ATP8B3: variants seen among roughly 807,000 people sequenced by gnomAD.
ATP8B3 encodes the protein phospholipid-transporting ATPase IK.
In ATP8B3, 141 loss-of-function variants were observed where a neutral mutation model predicts 140.9. The observed-to-expected ratio is 1.00, with a 90% CI of 0.87 to 1.15. The LOEUF (loss-of-function observed/expected upper bound fraction) is 1.15. Ranked by LOEUF, ATP8B3 falls within the 50% of genes most tolerant of loss-of-function variation. The pLI, the probability that ATP8B3 is intolerant of heterozygous loss-of-function variation, is 0.00. For synonymous variants in ATP8B3, 765 were observed against 714.6 expected, an observed-to-expected ratio of 1.07 and a Z score of -1.13; for missense variants, 1,874 against 1,740.6, an observed-to-expected ratio of 1.08 and a Z score of -1.36.
In ATP8B3 at chr19:1,783,186, G is replaced by T; in HGVS notation, c.3745C>A (p.Arg1249Ser). Reference sequence around the variant, plus strand: ...CGGTGGGAGAAAGCATAGCTGGAACGGCGGGCACGAGACTCCCGGTGTACA... The same window carrying T: ...CGGTGGGAGAAAGCATAGCTGGAACTGCGGGCACGAGACTCCCGGTGTACA... ...PHVHRESRAR[R>S]SSYAFSHREG... Residue 1249 changes from arginine (R) to serine (S), a missense_variant, in exon 29 of 29, where the codon CGT (arginine) becomes AGT (serine). Arg to Ser is a moderately radical substitution (Grantham distance 110). Coordinates refer to ENST00000310127, the MANE Select transcript of ATP8B3 (RefSeq NM_138813.4). 6.2e-7 allele frequency: 1 copy of T among 1,613,268 alleles called. No homozygotes were observed. The highest frequency in any genetic ancestry group is 8.5e-7 in the Non-Finnish European group (1 of 1,179,652).
chr19:1,789,935 G>A lies in ATP8B3; in HGVS notation c.2433C>T (p.Ser811=), dbSNP rs769068182. 1.6e-5 allele frequency: 26 copies of A among 1,612,068 alleles called. No individual in the cohort carries two copies. The South Asian group carries it at 2.9e-4, about 18-fold the overall frequency. ...CCAAGGCCAGCTTGACCTGCGACAG[G>A]GACTCCCTGGTTAGAAGGTTGTTAC... ...ENSNNLLTRE[S]LSQVKLALVI... Residue 811 remains serine (S), a synonymous_variant, in exon 22 of 29, where the codon TCC becomes TCT. Coordinates refer to ENST00000310127, the MANE Select transcript of ATP8B3 (RefSeq NM_138813.4).
In ATP8B3 at chr19:1,802,614, C is replaced by T. The variant is rs1398340814; in HGVS notation, c.936G>A (p.Arg312=). Residue 312 remains arginine, a synonymous_variant, in exon 11 of 29, where the codon CGG becomes CGA. Transcript: ENST00000310127. ...CCAGGCACCCCACGAAGTGGTGCAT[C>T]CGACTGTTAGGCGCCTCACACGTCA... is the stretch of plus-strand genomic sequence containing the variant. ...GTVTCEAPNS[R]MHHFVGCLEW... 1 of 1,611,736 alleles carries T rather than the reference C, an allele frequency of 6.2e-7. No individual in the cohort carries two copies. Among genetic ancestry groups the T allele is most frequent in the Non-Finnish European group, 8.5e-7 (1 of 1,179,552 alleles).
intron 14 of ATP8B3, among the ~76,000 whole-genome samples, chr19:1,798,063 C>T (rs573456877): frequency 1.3e-5 from 2 of 151,890 alleles, no homozygotes; most frequent in Admixed American, 6.6e-5. Context: ...CCTCCACCTC[C>T]GGGTTCAAGC....
In ATP8B3 at chr19:1,783,072, G is replaced by A. The variant is rs1285428673; in HGVS notation, c.3859C>T (p.Pro1287Ser). The A allele has an allele frequency of 6.2e-7, 1 of 1,612,594 alleles. No individual in the cohort carries two copies. The highest frequency in any genetic ancestry group is 1.7e-5 in the Admixed American group (1 of 59,816). Residue 1287 changes from proline to serine, a missense_variant, in exon 29 of 29, where the codon CCA (proline) becomes TCA (serine). Physicochemically the swap from Pro to Ser is moderately conservative, Grantham distance 74. Coordinates refer to ENST00000310127, the MANE Select transcript of ATP8B3 (RefSeq NM_138813.4). ...CTCGAAGCTGCCTCTTCATCAGATG[G>A]GTCTAGGGATTCAGATGCTATGTCA... ...SSDIASESLD[P>S]SDEEAASSPK... is the part of the protein sequence containing the mutation.
At chr19:1,791,919 C>CA in intron 19 of ATP8B3, 58 bp from the exon 20 acceptor site, 1 of 1,599,524 alleles carries the variant, frequency 6.3e-7, no homozygotes, top group South Asian at 1.1e-5. Flanking sequence ...AGCTCCCTGG[C>CA]GGGGGCAGGA....
chr19:1,802,571 A>T lies in ATP8B3; in HGVS notation c.979T>A (p.Tyr327Asn). The change falls in exon 11 of 29, where the codon TAC (tyrosine) becomes AAC (asparagine). Residue 327 changes from tyrosine to asparagine, a missense_variant. Around this residue, in one of 3 missense-constraint regions of ATP8B3, gnomAD observed 1,032 missense variants for 963.6 expected, o/e 1.07. Coordinates refer to ENST00000310127, the MANE Select transcript of ATP8B3 (RefSeq NM_138813.4). Reference protein sequence around the residue: ...VGCLEWNDKKYSLDIGNLLLR... With the variant: ...VGCLEWNDKKNSLDIGNLLLR... ...AGGAGGTTGCCAATGTCCAGGGAGT[A>T]TTTCTTGTCATTCCATTCCAGGCAC... The T allele has an allele frequency of 6.2e-7, 1 of 1,611,254 alleles. No homozygotes were observed. Among genetic ancestry groups the T allele is most frequent in the Non-Finnish European group, 8.5e-7 (1 of 1,179,528 alleles).
chr19:1,808,260 C>G lies in ATP8B3; in HGVS notation c.478G>C (p.Val160Leu). The stretch of plus-strand genomic sequence containing the variant: ...ATGATGAGGAAGAACAGGTTGGACA[C>G]GCGGTGGAACTGCTCGTACAGGTTC... ...PLNLYEQFHR[V>L]SNLFFLIIII... is the part of the protein sequence containing the mutation. The change falls in exon 5 of 29, where the codon GTG (valine) becomes CTG (leucine). Residue 160 changes from valine to leucine, a missense_variant. Around this residue, in one of 3 missense-constraint regions of ATP8B3, gnomAD observed 1,032 missense variants for 963.6 expected, o/e 1.07. Coordinates refer to ENST00000310127, the MANE Select transcript of ATP8B3 (RefSeq NM_138813.4). 6.2e-7 allele frequency: 1 copy of G among 1,612,948 alleles called. No homozygotes were observed. The highest frequency in any genetic ancestry group is 8.5e-7 in the Non-Finnish European group (1 of 1,179,530).
chr19:1,790,688 C>T (rs972342822), intron 21 of ATP8B3, 69 bp downstream of exon 21: 128 of 1,336,142 alleles, frequency 9.6e-5, no homozygotes, highest in Non-Finnish European at 1.2e-4. Flanking sequence ...CAGTGAGACA[C>T]GCACCTGGGT....
chr19:1,810,733 G>T lies in ATP8B3; in HGVS notation c.249-50C>A, dbSNP rs766104336. 3.8e-6 allele frequency: 6 copies of T among 1,567,990 alleles called. No individual in the cohort carries two copies. The African/African-American group carries it at 8.1e-5, about 21-fold the overall frequency. On this transcript the variant is annotated intron_variant, in intron 2 of 28. Transcript: ENST00000310127. ...CACAGCAGTGACCCCAGCCCTTGCT[G>T]GGCACCACTCGGTCTTCAAGGAGCT...
chr19:1,783,406 G>T, intron 28 of ATP8B3, 136 bp from the exon 29 acceptor site: 1 of 1,119,480 alleles, frequency 8.9e-7, no homozygotes, highest in Non-Finnish European at 1.2e-6. Context: ...TACCCAAGTT[G>T]AGCCAATTAG....
chr19:1,806,820 T>G lies in ATP8B3; in HGVS notation c.616-131A>C. The G allele has an allele frequency of 9.5e-7, 1 of 1,047,802 alleles. No homozygotes were observed. The highest frequency in any genetic ancestry group is 1.4e-5 in the South Asian group (1 of 69,206). 64.9% of individuals were successfully genotyped at this position (1,047,802 alleles called of 1,614,324 possible). On this transcript the variant is annotated intron_variant, in intron 6 of 28. Coordinates refer to ENST00000310127, the MANE Select transcript of ATP8B3 (RefSeq NM_138813.4). The surrounding 1 kb of genome is among the most constrained non-coding windows in gnomAD (Gnocchi z 5.6). ...CCTGTCCGCTGGCCCCACGCCACGT[T>G]GCGTCTGCTCAGGGATCCCGGACGT...
In ATP8B3 at chr19:1,807,327, C is replaced by A; in HGVS notation, c.517-61G>T. On this transcript the variant is annotated intron_variant, in intron 5 of 28. Transcript: ENST00000310127. The surrounding 1 kb of genome is among the most constrained non-coding windows in gnomAD (Gnocchi z 5.9). ...CCCACTCCCCCGTCCCCTGCCCTTC[C>A]ACCAAGCCGACCTAGCCCCGCACTC... The A allele has an allele frequency of 7.0e-7, 1 of 1,422,254 alleles. No homozygotes were observed. The highest frequency in any genetic ancestry group is 9.8e-7 in the Non-Finnish European group (1 of 1,015,976). The allele number at this position is 1,422,254 out of a possible 1,614,324, so 88.1% of individuals were successfully genotyped here.
chr19:1,784,642 G>A (rs574698670), intron 28 of ATP8B3, among the ~76,000 whole-genome samples, 177 bp downstream of exon 28: 26 of 152,296 alleles, frequency 1.7e-4, no homozygotes, highest in African/African-American at 6.0e-4. Flanking sequence ...TTGGGAAATC[G>A]GGCCCCGGGG....
chr19:1,785,706 G>A lies in ATP8B3; in HGVS notation c.3156C>T (p.Asp1052=), dbSNP rs1484078008. 29 of 1,437,430 alleles carry A rather than the reference G, an allele frequency of 2.0e-5. No homozygotes were observed. Among genetic ancestry groups the A allele is most frequent in the Middle Eastern group, 1.9e-4 (1 of 5,362 alleles). 89.0% of individuals were successfully genotyped at this position (1,437,430 alleles called of 1,614,324 possible). A position where few individuals can be genotyped will look rare whatever the true frequency, so the allele number is the denominator to read the frequency against. ...PVLYIGLFEQ[D]VSAEQSLEKP... ...TCTCCAGGCTCTGCTCTGCGCTCAC[G>A]TCCTTGGGGCAAGCAGAAGCTCTTG... The change falls in exon 26 of 29, where the codon GAC becomes GAT. Residue 1052 remains aspartate, a splice_region_variant and synonymous_variant. Transcript: ENST00000310127.
intron 4 of ATP8B3, 52 bp downstream of exon 4, chr19:1,809,591 G>C: frequency 6.7e-7 from 1 of 1,494,854 alleles, no homozygotes; most frequent in Non-Finnish European, 9.2e-7. Flanking sequence ...GATTCCCCGA[G>C]GGTACCACGG....
At chr19:1,783,405 T>C in intron 28 of ATP8B3, 135 bp from the exon 29 acceptor site, 1 of 1,207,322 alleles carries the variant, frequency 8.3e-7, no homozygotes, top group Non-Finnish European at 1.1e-6. Flanking sequence ...CTACCCAAGT[T>C]GAGCCAATTA....
Position 1,795,840 on chromosome 19 carries a change from CACACACAT to C in ATP8B3, c.2055+27_2055+34del, listed in dbSNP as rs745721224. On this transcript the variant is annotated intron_variant, in intron 18 of 28. Transcript: ENST00000310127. ...ACACACACACACACACACACACACA[CACACACAT>C]AAGCCAGCCTTCCTGAAGGGACTCA... 362 of 1,233,740 alleles carry C rather than the reference CACACACAT, an allele frequency of 2.9e-4. 3 individuals are homozygous for C. The African/African-American group carries it at 3.4e-3, about 12-fold the overall frequency. The allele number at this position is 1,233,740 out of a possible 1,614,324, so 76.4% of individuals were successfully genotyped here.
At position 1,800,478 on chromosome 19, in the gene ATP8B3, AG is replaced by A. The variant is rs777717973; in HGVS notation, c.1153-30del. 1.2e-5 allele frequency: 9 copies of A among 765,102 alleles called. No homozygotes were observed. The highest frequency in any genetic ancestry group is 2.7e-5 in the South Asian group (2 of 74,950). The allele number at this position is 765,102 out of a possible 1,614,324, so 47.4% of individuals were successfully genotyped here. On this transcript the variant is annotated intron_variant, in intron 12 of 28. Transcript: ENST00000310127. The surrounding 1 kb of genome is among the most constrained non-coding windows in gnomAD (Gnocchi z 4.4). Reference sequence around the variant, plus strand: ...GAAGGCAGACGCGACAGGGTGGGTGAGGGGGGCGGGGGTCCCCCACTCTGCC... The same window carrying A: ...GAAGGCAGACGCGACAGGGTGGGTGAGGGGGCGGGGGTCCCCCACTCTGCC...
Position 1,805,967 on chromosome 19 carries a change from G to A in ATP8B3, c.751-9C>T. The A allele has an allele frequency of 3.7e-6, 6 of 1,611,628 alleles. 1 individual carries two copies. Among genetic ancestry groups the A allele is most frequent in the Non-Finnish European group, 2.5e-6 (3 of 1,178,956 alleles). ...AGCAAGAGCATGTCGGCCTGGTGTG[G>A]AGTGGGGGGCAGCGTTGCAAGAGGG... On this transcript the variant is annotated splice_polypyrimidine_tract_variant and intron_variant, in intron 8 of 28. Transcript: ENST00000310127. This position sits in a 1 kb window ranked among gnomAD's most constrained non-coding sequence, Gnocchi z 5.2.
Sources: gnomAD v4.1 joint callset for allele counts (sites outside exome capture counted in the v4.1 genomes callset) on GRCh38, gnomAD v4.1.1 for gene constraint, gnomAD v4.1.1 regional missense constraint, Gnocchi (gnomAD v3.1) non-coding constraint, MANE v1.5 for transcripts, NCBI Gene and HGNC (gene_info 2026-07-23, HGNC 2026-07-21) for gene names.